The following SLC9A5 variants were observed in gnomAD, a reference collection of about 807,000 sequenced individuals.
SLC9A5 encodes solute carrier family 9 member A5, also known as sodium/hydrogen exchanger 5.
In SLC9A5, 52 loss-of-function variants were observed where a neutral mutation model predicts 91.7. The ratio of observed to expected loss-of-function variants is 0.57; its 90% CI spans 0.45 to 0.71. The LOEUF (loss-of-function observed/expected upper bound fraction) is 0.71. Among genes scored for constraint, SLC9A5 ranks in the 30% least tolerant of loss-of-function variants. SLC9A5 has a pLI of 0.00. For synonymous variants in SLC9A5, 419 were observed against 474.5 expected, an observed-to-expected ratio of 0.88 and a Z score of 1.52; for missense variants, 871 against 1,158.9, an observed-to-expected ratio of 0.75 and a Z score of 3.61.
Position 67,257,341 on chromosome 16 carries a change from A to G in SLC9A5, c.1336-4A>G, listed in dbSNP as rs892069535. Reference sequence around the variant, plus strand: ...GGCAGGGCTCACCTCCTGCCTGTCCATAGGGCTTGACCATCAAGCCACTGG... The same window carrying G: ...GGCAGGGCTCACCTCCTGCCTGTCCGTAGGGCTTGACCATCAAGCCACTGG... On this transcript the variant is annotated splice_region_variant and splice_polypyrimidine_tract_variant and intron_variant, in intron 7 of 15. Coordinates refer to ENST00000299798, the MANE Select transcript of SLC9A5 (RefSeq NM_004594.3). The surrounding 1 kb of genome is among the most constrained non-coding windows in gnomAD (Gnocchi z 5.1). 9 of 1,613,202 alleles carry G rather than the reference A, an allele frequency of 5.6e-6. No homozygotes were observed. The highest frequency in any genetic ancestry group is 3.3e-5 in the South Asian group (3 of 91,074).
Position 67,256,785 on chromosome 16 carries a change from TA to T in SLC9A5, c.1132+98del. On this transcript the variant is annotated intron_variant, in intron 6 of 15. Coordinates refer to ENST00000299798, the MANE Select transcript of SLC9A5 (RefSeq NM_004594.3). The surrounding 1 kb of genome is among the most constrained non-coding windows in gnomAD (Gnocchi z 4.1). ...CTGAGTCCACATCTTTGTCAATTCCTAAGCCTCCTCTTGTTGCTCACCTGTC... is the reference window on the plus strand; with the variant it reads ...CTGAGTCCACATCTTTGTCAATTCCTAGCCTCCTCTTGTTGCTCACCTGTC... 7.4e-7 allele frequency: 1 copy of T among 1,344,708 alleles called. No homozygotes were observed. Among genetic ancestry groups the T allele is most frequent in the Non-Finnish European group, 1.1e-6 (1 of 945,600 alleles). The allele number at this position is 1,344,708 out of a possible 1,614,324, so 83.3% of individuals were successfully genotyped here.
At chr16:67,265,889 C>T (rs552890139) in intron 14 of SLC9A5, among the ~76,000 whole-genome samples, 199 bp from the exon 15 acceptor site, 10 of 152,304 alleles carry the variant, frequency 6.6e-5, no homozygotes, top group African/African-American at 1.7e-4. Flanking sequence ...TGGTCGCTTC[C>T]TTGGGCTCCG....
At chr16:67,266,420 A>C (rs1275219789) in intron 15 of SLC9A5, among the ~76,000 whole-genome samples, 195 bp downstream of exon 15, 3 of 152,206 alleles carry the variant, frequency 2.0e-5, no homozygotes, top group Admixed American at 1.3e-4. Context: ...CAAGATGGGG[A>C]AACTGAGCTT....
Position 67,258,410 on chromosome 16 carries a change from G to A in SLC9A5, c.1589G>A (p.Arg530Lys), listed in dbSNP as rs199753728. ...IRDQIWDVYY[R>K]LNIRDAISFV... ...GACCAGATCTGGGATGTGTACTACA[G>A]GCTTAACATCCGGGATGCCATCAGC... Residue 530 changes from arginine to lysine, a missense_variant, in exon 10 of 16, where the codon AGG (arginine) becomes AAG (lysine). Physicochemically the swap from Arg to Lys is conservative, Grantham distance 26. Around this residue, in one of 3 missense-constraint regions of SLC9A5, gnomAD observed 454 missense variants for 718.3 expected, o/e 0.63. Coordinates refer to ENST00000299798, the MANE Select transcript of SLC9A5 (RefSeq NM_004594.3). This position sits in a 1 kb window ranked among gnomAD's most constrained non-coding sequence, Gnocchi z 4.5. 1.2e-3 allele frequency: 1,992 copies of A among 1,614,084 alleles called. 5 individuals carry two copies. The highest frequency in any genetic ancestry group is 1.5e-3 in the Non-Finnish European group (1,789 of 1,180,024).
At chr16:67,260,378 G>GAAAAAAAAAAAAA (rs2035493028) in intron 12 of SLC9A5, among the ~76,000 whole-genome samples, 1 of 109,872 alleles carries the variant, frequency 9.1e-6, no homozygotes, top group African/African-American at 5.7e-5. Context: ...AAAAAAAAAA[G>GAAAAAAAAAAAAA]AGTGTGGGTT....
intron 11 of SLC9A5, 26 bp downstream of exon 11, chr16:67,259,687 C>A: frequency 6.2e-7 from 1 of 1,604,726 alleles, no homozygotes; most frequent in Admixed American, 1.7e-5. Flanking sequence ...CCTTCCCCTT[C>A]CTCATACTCC....
chr16:67,258,424 GA>G lies in SLC9A5; in HGVS notation c.1604del (p.Asp535ValfsTer38), dbSNP rs2035400002. The G allele has an allele frequency of 6.2e-7, 1 of 1,614,094 alleles. No homozygotes were observed. The highest frequency in any genetic ancestry group is 1.7e-5 in the Admixed American group (1 of 60,018). On this transcript the variant is annotated frameshift_variant, in exon 10 of 16. Coordinates refer to ENST00000299798, the MANE Select transcript of SLC9A5 (RefSeq NM_004594.3). LOFTEE classifies it high-confidence loss of function. The surrounding 1 kb of genome is among the most constrained non-coding windows in gnomAD (Gnocchi z 4.5). Reference protein sequence around the residue: ...WDVYYRLNIRDAISFVDQGGH... With the variant: ...WDVYYRLNIRXAISFVDQGGH... ...TGTGTACTACAGGCTTAACATCCGG[GA>G]TGCCATCAGCTTTGTGGACCAGGTG...
Position 67,256,675 on chromosome 16 carries a change from T to A in SLC9A5, c.1118T>A (p.Phe373Tyr), listed in dbSNP as rs1283144463. Residue 373 changes from phenylalanine (F) to tyrosine (Y), a missense_variant, in exon 6 of 16, where the codon TTC becomes TAC. Transcript: ENST00000299798. The surrounding 1 kb of genome is among the most constrained non-coding windows in gnomAD (Gnocchi z 4.1). ...LVLGTLIFIL[F>Y]FRALGVVLQT... The stretch of plus-strand genomic sequence containing the variant: ...CTGGGCACCCTCATCTTCATCCTGT[T>A]CTTCCGAGCCCTCGGTATTGCTGGC... 1.2e-6 allele frequency: 2 copies of A among 1,612,874 alleles called. No individual in the cohort carries two copies. Among genetic ancestry groups the A allele is most frequent in the Admixed American group, 3.3e-5 (2 of 60,020 alleles).
Position 67,257,403 on chromosome 16 carries a change from A to T in SLC9A5, c.1394A>T (p.Lys465Ile), listed in dbSNP as rs768234396. The change falls in exon 8 of 16, where the codon AAA becomes ATA. Residue 465 changes from lysine to isoleucine, a missense_variant. Around this residue, in one of 3 missense-constraint regions of SLC9A5, gnomAD observed 454 missense variants for 718.3 expected, o/e 0.63. Transcript: ENST00000299798. This position sits in a 1 kb window ranked among gnomAD's most constrained non-coding sequence, Gnocchi z 5.1. ...WLKVKRSEHH[K>I]PTLNQELHEH... ...AAGGTGAAGAGGAGTGAGCATCACA[A>T]ACCCACCCTGAACCAGGAGCTGCAT... The T allele has an allele frequency of 4.6e-5, 74 of 1,614,078 alleles. No individual in the cohort carries two copies. Among genetic ancestry groups the T allele is most frequent in the Non-Finnish European group, 5.9e-5 (70 of 1,180,024 alleles).
In SLC9A5 at chr16:67,258,220, C is replaced by A; in HGVS notation, c.1497-98C>A. On this transcript the variant is annotated intron_variant, in intron 9 of 15. Coordinates refer to ENST00000299798, the MANE Select transcript of SLC9A5 (RefSeq NM_004594.3). The surrounding 1 kb of genome is among the most constrained non-coding windows in gnomAD (Gnocchi z 4.5). The stretch of plus-strand genomic sequence containing the variant: ...TGGCTGAGGCCCATATCTAAAAAGC[C>A]AGGCCAGTGCTGACGGTGTCCTTGC... 1 of 1,295,548 alleles carries A rather than the reference C, an allele frequency of 7.7e-7. No individual in the cohort carries two copies. Among genetic ancestry groups the A allele is most frequent in the Non-Finnish European group, 1.1e-6 (1 of 917,546 alleles). 80.3% of individuals were successfully genotyped at this position (1,295,548 alleles called of 1,614,324 possible). A position where few individuals can be genotyped will look rare whatever the true frequency, so the allele number is the denominator to read the frequency against.
rs1439531746 is a variant in SLC9A5 at position 67,252,720 on chromosome 16, C to G, written c.366C>G (p.Phe122Leu). Residue 122 changes from phenylalanine (F) to leucine (L), a missense_variant, in exon 2 of 16, where the codon TTC (phenylalanine) becomes TTG (leucine). Around this residue, in one of 3 missense-constraint regions of SLC9A5, gnomAD observed 454 missense variants for 718.3 expected, o/e 0.63. Coordinates refer to ENST00000299798, the MANE Select transcript of SLC9A5 (RefSeq NM_004594.3). This position sits in a 1 kb window ranked among gnomAD's most constrained non-coding sequence, Gnocchi z 4.0. ...CTATTGTGTTGGACTCAGGCTATTT[C>G]ATGCCTAGCAGGCTGTTCTTTGACA... Reference protein sequence around the residue: ...LPPIVLDSGYFMPSRLFFDNL... With the variant: ...LPPIVLDSGYLMPSRLFFDNL... 1 of 1,614,212 alleles carries G rather than the reference C, an allele frequency of 6.2e-7. No individual in the cohort carries two copies. Among genetic ancestry groups the G allele is most frequent in the Admixed American group, 1.7e-5 (1 of 60,036 alleles).
chr16:67,249,602 A>G (rs2035034410), intron 1 of SLC9A5, among the ~76,000 whole-genome samples: 1 of 152,138 alleles, frequency 6.6e-6, no homozygotes, highest in Non-Finnish European at 1.5e-5. Context: ...TGTTCTCCCA[A>G]GAACACAGGC....
In SLC9A5 at chr16:67,256,200, C is replaced by T. The variant is rs924950141; in HGVS notation, c.912-269C>T. ...GCCTGGGGCCACCAGCTCTGGAGGC[C>T]GCAGCACTCCAGAAGGTGCATTAGA... On this transcript the variant is annotated intron_variant, in intron 5 of 15. Transcript: ENST00000299798. This position sits in a 1 kb window ranked among gnomAD's most constrained non-coding sequence, Gnocchi z 4.1. Among the ~76,000 whole-genome samples the T allele has an allele frequency of 9.2e-5, 14 of 152,106 alleles. No homozygotes were observed. Among genetic ancestry groups the T allele is most frequent in the African/African-American group, 2.4e-4 (10 of 41,394 alleles).
rs1291842678 is a variant in SLC9A5 at position 67,249,034 on chromosome 16, C to G, written c.20C>G (p.Ser7Cys). 3 of 1,488,210 alleles carry G rather than the reference C, an allele frequency of 2.0e-6. No individual in the cohort carries two copies. The highest frequency in any genetic ancestry group is 4.4e-5 in the Admixed American group (2 of 45,206). 92.2% of individuals were successfully genotyped at this position (1,488,210 alleles called of 1,614,324 possible). The change falls in exon 1 of 16, where the codon TCC becomes TGC. Residue 7 changes from serine (S) to cysteine (C), a missense_variant. By Grantham distance (112) the Ser-to-Cys change is moderately radical (BLOSUM62 -1). Coordinates refer to ENST00000299798, the MANE Select transcript of SLC9A5 (RefSeq NM_004594.3). Reference sequence around the variant, plus strand: ...GGCAGGATGCTGCGCGCCGCCCTGTCCCTGCTCGCGCTGCCCCTGGCGGGG... The same window carrying G: ...GGCAGGATGCTGCGCGCCGCCCTGTGCCTGCTCGCGCTGCCCCTGGCGGGG... Reference protein sequence around the residue: MLRAALSLLALPLAGAA... With the variant: MLRAALCLLALPLAGAA...
In SLC9A5 at chr16:67,256,900, T is replaced by G; in HGVS notation, c.1133-11T>G. ...AACGCTTTGCTCCCACTGGCCTCCC[T>G]CCCGCTGTAGGCGTAGTCCTGCAGA... On this transcript the variant is annotated splice_polypyrimidine_tract_variant and intron_variant, in intron 6 of 15. Transcript: ENST00000299798. The surrounding 1 kb of genome is among the most constrained non-coding windows in gnomAD (Gnocchi z 4.1). 6.2e-7 allele frequency: 1 copy of G among 1,612,940 alleles called. No individual in the cohort carries two copies. The highest frequency in any genetic ancestry group is 8.5e-7 in the Non-Finnish European group (1 of 1,179,738).
intron 15 of SLC9A5, among the ~76,000 whole-genome samples, chr16:67,267,356 GA>G (rs1318083852): frequency 6.6e-6 from 1 of 152,000 alleles, no homozygotes; most frequent in Non-Finnish European, 1.5e-5. Flanking sequence ...AAAGTGCTGG[GA>G]TTACAGGCAT....
rs1378744129 is a variant in SLC9A5, at chr16:67,268,706, ATATATT to A, written c.2219-2030_2219-2025del. ...TATATATATATATATATATATATAT[ATATATT>A]TTTACAGTAGGCTTGTCCAATGTCC... On this transcript the variant is annotated intron_variant, in intron 15 of 15. Transcript: ENST00000299798. 2.2e-3 allele frequency among the ~76,000 whole-genome samples: 203 copies of A among 90,270 alleles called. 7 individuals carry two copies. Among genetic ancestry groups the A allele is most frequent in the African/African-American group, 6.4e-3 (149 of 23,220 alleles). The allele number at this position is 90,270 out of a possible 152,430, so 59.2% of individuals were successfully genotyped here. A position where few individuals can be genotyped will look rare whatever the true frequency, so the allele number is the denominator to read the frequency against.
rs2035040945 is a variant in SLC9A5 at position 67,249,757 on chromosome 16, C to T, written c.187+556C>T. The stretch of plus-strand genomic sequence containing the variant: ...TTCTTGTGCCTGTGTATGGGTACCC[C>T]CCCAACCCACGTTCAGGTCCACATT... On this transcript the variant is annotated intron_variant, in intron 1 of 15. Coordinates refer to ENST00000299798, the MANE Select transcript of SLC9A5 (RefSeq NM_004594.3). Among the ~76,000 whole-genome samples the T allele has an allele frequency of 2.0e-5, 3 of 152,180 alleles. No homozygotes were observed. In the South Asian group the frequency reaches 6.2e-4, roughly 32 times the overall value.
intron 15 of SLC9A5, among the ~76,000 whole-genome samples, chr16:67,269,253 G>A (rs1448809635): frequency 2.0e-5 from 3 of 151,668 alleles, no homozygotes; most frequent in South Asian, 2.1e-4. Flanking sequence ...GTGAAAACCT[G>A]TCTCTACTAA....
Sources: allele counts gnomAD v4.1 joint callset (sites outside exome capture counted in the v4.1 genomes callset), GRCh38; gene constraint gnomAD v4.1.1; regional missense constraint gnomAD v4.1.1; non-coding constraint Gnocchi (gnomAD v3.1); transcripts MANE v1.5; gene names NCBI Gene and HGNC (gene_info 2026-07-23, HGNC 2026-07-21).